KLHL1: variants seen among roughly 807,000 people sequenced by gnomAD.
KLHL1 encodes kelch-like protein 1.
Under a neutral mutation model 77.7 loss-of-function variants are expected in KLHL1, and 47 were observed. The observed-to-expected ratio is 0.60, with a 90% CI of 0.48 to 0.77. The LOEUF (loss-of-function observed/expected upper bound fraction) is 0.77, where lower values mean the gene tolerates loss of function less well. Among genes scored for constraint, KLHL1 ranks in the 30% least tolerant of loss-of-function variants. The pLI, the probability that KLHL1 is intolerant of heterozygous loss-of-function variation, is 0.00. For missense variants in KLHL1, 925 were observed against 910.8 expected (o/e 1.02, Z -0.20); for synonymous variants, 360 against 325.2 (o/e 1.11, Z -1.15).
chr13:69,903,614 A>T (rs1481197691), intron 4 of KLHL1, among the ~76,000 whole-genome samples: 1 of 138,756 alleles, frequency 7.2e-6, no homozygotes, highest in Non-Finnish European at 1.5e-5. Context: ...CTTTGCAGAA[A>T]ACCCTTGTTC....
At chr13:69,739,424 G>A (rs1048852566) in intron 8 of KLHL1, among the ~76,000 whole-genome samples, 1 of 152,116 alleles carries the variant, frequency 6.6e-6, no homozygotes, top group Non-Finnish European at 1.5e-5. Flanking sequence ...AATGTAAATG[G>A]GCTAAATGCC....
At position 69,728,865 on chromosome 13, in the gene KLHL1, C is replaced by T. The variant is rs114743560; in HGVS notation, c.1803-9284G>A. 8.6e-3 allele frequency among the ~76,000 whole-genome samples: 1,308 copies of T among 151,842 alleles called. 20 individuals carry two copies. Among genetic ancestry groups the T allele is most frequent in the African/African-American group, 0.03 (1,235 of 41,432 alleles). On this transcript the variant is annotated intron_variant, in intron 8 of 10. Coordinates refer to ENST00000377844, the MANE Select transcript of KLHL1 (RefSeq NM_020866.3). ...GAATGAATGAATGAATCCATTTTCCCATAGTAAATCATGAAAGAAACTCTG... is the reference window on the plus strand; with the variant it reads ...GAATGAATGAATGAATCCATTTTCCTATAGTAAATCATGAAAGAAACTCTG...
intron 9 of KLHL1, among the ~76,000 whole-genome samples, chr13:69,710,368 C>T (rs1875820222): frequency 1.3e-5 from 2 of 151,848 alleles, no homozygotes; most frequent in Admixed American, 6.6e-5. Flanking sequence ...TTAGATGTGC[C>T]TGTTTTCAGT....
At chr13:69,967,003 C>T (rs529123828) in intron 2 of KLHL1, among the ~76,000 whole-genome samples, 1 of 151,994 alleles carries the variant, frequency 6.6e-6, no homozygotes, top group African/African-American at 2.4e-5. Context: ...TATTTATCCA[C>T]TCATCAATTG....
chr13:69,975,653 A>T lies in KLHL1; in HGVS notation c.647T>A (p.Leu216Gln). The change falls in exon 2 of 11, where the codon CTG becomes CAG. Residue 216 changes from leucine to glutamine, a missense_variant. Physicochemically the swap from Leu to Gln is moderately radical, Grantham distance 113. Transcript: ENST00000377844. Reference sequence around the variant, plus strand: ...AGGTATCTTTCGGTTCCCAACAATCAGGATAACATCACAAAGTTGCTGCTG... The same window carrying T: ...AGGTATCTTTCGGTTCCCAACAATCTGGATAACATCACAAAGTTGCTGCTG... The part of the protein sequence containing the change: ...LKQQQLCDVI[L>Q]IVGNRKIPAH... The T allele has an allele frequency of 6.2e-7, 1 of 1,613,440 alleles. No homozygotes were observed. Among genetic ancestry groups the T allele is most frequent in the Non-Finnish European group, 8.5e-7 (1 of 1,179,660 alleles).
chr13:70,094,463 T>A (rs1887742524), intron 1 of KLHL1, among the ~76,000 whole-genome samples: 1 of 150,364 alleles, frequency 6.7e-6, no homozygotes, highest in African/African-American at 2.5e-5. Flanking sequence ...AAAGGAAAGC[T>A]GCTTGGGAAA....
chr13:69,903,887 G>A (rs1881958785), intron 4 of KLHL1, among the ~76,000 whole-genome samples: 1 of 151,552 alleles, frequency 6.6e-6, no homozygotes, highest in African/African-American at 2.4e-5. Flanking sequence ...TGATCCACTT[G>A]CCTCGGCCTC....
chr13:69,760,401 G>A (rs1447888737), intron 7 of KLHL1, among the ~76,000 whole-genome samples: 1 of 151,954 alleles, frequency 6.6e-6, no homozygotes, highest in African/African-American at 2.4e-5. Context: ...TTTTGCCCAG[G>A]CTGGAGTGCA....
intron 1 of KLHL1, among the ~76,000 whole-genome samples, chr13:70,014,948 A>C (rs1165120192): frequency 6.6e-6 from 1 of 152,010 alleles, no homozygotes; most frequent in Non-Finnish European, 1.5e-5. Context: ...AATACATAAC[A>C]TGTGGTTTAT....
At chr13:69,980,264 C>T (rs1436671043) in intron 1 of KLHL1, among the ~76,000 whole-genome samples, 1 of 152,124 alleles carries the variant, frequency 6.6e-6, no homozygotes, top group Non-Finnish European at 1.5e-5. Context: ...AGATTGTTAA[C>T]TAATAAGAAA....
intron 6 of KLHL1, among the ~76,000 whole-genome samples, chr13:69,822,069 G>T (rs1359485431): frequency 6.6e-6 from 1 of 151,654 alleles, no homozygotes; most frequent in East Asian, 1.9e-4. Context: ...TGTAGTGGCG[G>T]GTGCTTGTAA....
intron 1 of KLHL1, among the ~76,000 whole-genome samples, chr13:70,020,884 G>C (rs1366085014): frequency 1.3e-5 from 2 of 150,844 alleles, no homozygotes; most frequent in Non-Finnish European, 3.0e-5. Context: ...TTTATTTTTA[G>C]AGCACTGCAT....
intron 1 of KLHL1, among the ~76,000 whole-genome samples, chr13:70,024,135 G>A (rs1301435648): frequency 6.6e-6 from 1 of 151,824 alleles, no homozygotes; most frequent in Non-Finnish European, 1.5e-5. Flanking sequence ...GTAGACGATT[G>A]TTGATATGTT....
rs7321536 is a variant in KLHL1 at position 69,918,482 on chromosome 13, T to C, written c.1014+21558A>G. ...CATCATCTATTGCAATGAAATTGAA[T>C]TTTGCACATATAAAAGAAACAGAGT... On this transcript the variant is annotated intron_variant, in intron 4 of 10. Coordinates refer to ENST00000377844, the MANE Select transcript of KLHL1 (RefSeq NM_020866.3). 2.6e-5 allele frequency among the ~76,000 whole-genome samples: 4 copies of C among 151,614 alleles called. No individual in the cohort carries two copies. The East Asian group carries it at 7.8e-4, about 29-fold the overall frequency.
At chr13:69,878,242 GTT>G (rs11454973) in intron 5 of KLHL1, among the ~76,000 whole-genome samples, 2 of 150,698 alleles carry the variant, frequency 1.3e-5, no homozygotes. Context: ...GGAAACATCT[GTT>G]TTTTTTTATT....
At chr13:69,812,654 G>T (rs1436800274) in intron 6 of KLHL1, among the ~76,000 whole-genome samples, 1 of 151,842 alleles carries the variant, frequency 6.6e-6, no homozygotes, top group East Asian at 1.9e-4. Flanking sequence ...CAAAAAGTGG[G>T]CAAATGATAT....
At chr13:69,931,436 ACT>A (rs1883001731) in intron 4 of KLHL1, among the ~76,000 whole-genome samples, 2 of 151,724 alleles carry the variant, frequency 1.3e-5, no homozygotes, top group South Asian at 4.1e-4. Flanking sequence ...ATAAAACATG[ACT>A]GCTTATTGGA....
chr13:69,921,921 AT>A (rs1197300551), intron 4 of KLHL1, among the ~76,000 whole-genome samples: 4,089 of 122,620 alleles, frequency 0.033, 73 homozygotes, highest in Middle Eastern at 0.08. Flanking sequence ...TGAATGATTG[AT>A]TTTTTTTTTT....
At chr13:70,103,400 C>T (rs1035640802) in intron 1 of KLHL1, among the ~76,000 whole-genome samples, 4 of 151,888 alleles carry the variant, frequency 2.6e-5, no homozygotes, top group East Asian at 1.9e-4. Flanking sequence ...CTGTAATCAG[C>T]GAGTGTTGGA....
Sources: allele counts gnomAD v4.1 joint callset (sites outside exome capture counted in the v4.1 genomes callset), GRCh38; gene constraint gnomAD v4.1.1; transcripts MANE v1.5; gene names NCBI Gene and HGNC (gene_info 2026-07-23, HGNC 2026-07-21).